ADARB2: variants seen among roughly 807,000 people sequenced by gnomAD.
ADARB2 encodes adenosine deaminase RNA specific B2 (inactive), also known as inactive double-stranded RNA-specific editase B2.
Under a neutral mutation model 62.2 loss-of-function variants are expected in ADARB2, and 25 were observed. The ratio of observed to expected loss-of-function variants is 0.40; its 90% CI spans 0.29 to 0.56. The LOEUF is 0.56. Ranked by LOEUF, ADARB2 falls within the 20% of genes least tolerant of loss-of-function variation. ADARB2 has a pLI of 0.43. For missense variants in ADARB2, 1,071 were observed against 1,077.4 expected (o/e 0.99, Z 0.08); for synonymous variants, 572 against 500.8 (o/e 1.14, Z -1.90).
rs766736813 is a variant in ADARB2, at chr10:1,717,779, T to C, written c.100+19272A>G. 2.0e-5 allele frequency among the ~76,000 whole-genome samples: 3 copies of C among 152,082 alleles called. No homozygotes were observed. The South Asian group carries it at 6.2e-4, about 32-fold the overall frequency. On this transcript the variant is annotated intron_variant, in intron 1 of 9. Transcript: ENST00000381312. ...TTTTAGTAGAGATGGGGTTTCGTCA[T>C]GTAGGCTAGGCTGGTCTTGAACTCT...
intron 1 of ADARB2, among the ~76,000 whole-genome samples, chr10:1,722,844 C>T (rs1254219174): frequency 6.6e-6 from 1 of 152,160 alleles, no homozygotes; most frequent in African/African-American, 2.4e-5. Context: ...TCCTTTAACC[C>T]TCAAATCAAA....
intron 1 of ADARB2, among the ~76,000 whole-genome samples, chr10:1,561,143 T>A (rs1349638541): frequency 6.6e-6 from 1 of 152,234 alleles, no homozygotes; most frequent in Non-Finnish European, 1.5e-5. Flanking sequence ...TATATCAACT[T>A]GTAATCAATA....
intron 3 of ADARB2, among the ~76,000 whole-genome samples, chr10:1,340,016 A>G (rs1209652124): frequency 6.6e-6 from 1 of 152,126 alleles, no homozygotes; most frequent in Non-Finnish European, 1.5e-5. Flanking sequence ...ACTTTCCTGT[A>G]TGCTGTGGCC....
chr10:1,259,873 T>A (rs1016608267), intron 4 of ADARB2, among the ~76,000 whole-genome samples: 3 of 152,190 alleles, frequency 2.0e-5, no homozygotes, highest in Non-Finnish European at 4.4e-5. Flanking sequence ...ACCAATATCC[T>A]TGATGAGCAT....
chr10:1,695,885 C>T (rs184635303), intron 1 of ADARB2, among the ~76,000 whole-genome samples: 6 of 152,106 alleles, frequency 3.9e-5, no homozygotes, highest in Non-Finnish European at 8.8e-5. Flanking sequence ...TGAGGACACA[C>T]ACATGCATGA....
intron 7 of ADARB2, among the ~76,000 whole-genome samples, chr10:1,211,224 A>C (rs372552769): frequency 6.6e-6 from 1 of 151,894 alleles, no homozygotes; most frequent in East Asian, 1.9e-4. Flanking sequence ...TCATCTACCT[A>C]TCATCTGTCA....
intron 1 of ADARB2, among the ~76,000 whole-genome samples, chr10:1,531,230 C>T (rs922391594): frequency 2.6e-5 from 4 of 152,128 alleles, no homozygotes; most frequent in African/African-American, 4.8e-5. Flanking sequence ...AGTGAGTGGC[C>T]GAACAGGTCT....
intron 2 of ADARB2, among the ~76,000 whole-genome samples, chr10:1,365,635 G>C (rs148274677): frequency 4.6e-5 from 7 of 152,308 alleles, no homozygotes; most frequent in Admixed American, 2.0e-4. Context: ...TAATGTCGCA[G>C]TGTTTTCAGG....
intron 1 of ADARB2, among the ~76,000 whole-genome samples, chr10:1,673,312 T>TTGTGTGTGTGTGTGTGTG (rs1373662397): frequency 1.4e-5 from 1 of 72,282 alleles, no homozygotes; most frequent in East Asian, 4.7e-4. Flanking sequence ...AGATTTCATT[T>TTGTGTGTGTGTGTGTGTG]TATGTGTGTG....
chr10:1,503,397 G>T (rs1012998029), intron 1 of ADARB2, among the ~76,000 whole-genome samples: 5 of 151,240 alleles, frequency 3.3e-5, no homozygotes, highest in African/African-American at 9.7e-5. Context: ...TGTTGCCCAG[G>T]CTGGTCTCAT....
intron 1 of ADARB2, among the ~76,000 whole-genome samples, chr10:1,562,161 C>T (rs190557304): frequency 5.9e-4 from 90 of 152,244 alleles, no homozygotes; most frequent in Non-Finnish European, 1.1e-3. Flanking sequence ...CCTCTCACCC[C>T]GCCCAACCCC....
At position 1,472,744 on chromosome 10, in the gene ADARB2, G is replaced by A. The variant is rs898120648; in HGVS notation, c.101-93584C>T. On this transcript the variant is annotated intron_variant, in intron 1 of 9. Coordinates refer to ENST00000381312, the MANE Select transcript of ADARB2 (RefSeq NM_018702.4). Reference sequence around the variant, plus strand: ...AAGTGATTTATTGAGTAATTTTAGCGATGGGAGGGCCCTGCCTGGGGATCT... The same window carrying A: ...AAGTGATTTATTGAGTAATTTTAGCAATGGGAGGGCCCTGCCTGGGGATCT... Among the ~76,000 whole-genome samples, 3 of 152,278 alleles carry A rather than the reference G, an allele frequency of 2.0e-5. No homozygotes were observed. The East Asian group carries it at 5.8e-4, about 29-fold the overall frequency.
intron 1 of ADARB2, among the ~76,000 whole-genome samples, chr10:1,568,568 G>T (rs1358939171): frequency 1.3e-5 from 2 of 150,124 alleles, no homozygotes; most frequent in African/African-American, 4.9e-5. Context: ...AAAGAAGGAA[G>T]GAAGAAAGAA....
At chr10:1,189,724 A>ATGGCCCTACCTCCTTCCCCAGAACACG (rs1836812557) in intron 8 of ADARB2, among the ~76,000 whole-genome samples, 1 of 150,852 alleles carries the variant, frequency 6.6e-6, no homozygotes, top group South Asian at 2.1e-4. Context: ...CCCAGAACAC[A>ATGGCCCTACCTCCTTCCCCAGAACACG]TGGCCCTACC....
intron 6 of ADARB2, among the ~76,000 whole-genome samples, chr10:1,229,807 T>C (rs891360377): frequency 1.3e-5 from 2 of 151,998 alleles, no homozygotes; most frequent in Non-Finnish European, 2.9e-5. Flanking sequence ...TGTGTGCGTG[T>C]ACATGTACTT....
At chr10:1,550,946 G>A (rs1214207604) in intron 1 of ADARB2, among the ~76,000 whole-genome samples, 1 of 152,166 alleles carries the variant, frequency 6.6e-6, no homozygotes, top group Non-Finnish European at 1.5e-5. Flanking sequence ...AAATAAAAAG[G>A]ACGGCAGAAA....
At chr10:1,690,844 A>C (rs1168467982) in intron 1 of ADARB2, among the ~76,000 whole-genome samples, 1 of 150,896 alleles carries the variant, frequency 6.6e-6, no homozygotes. Flanking sequence ...CCTCCTCCCT[A>C]CTCTTGCACC....
intron 3 of ADARB2, among the ~76,000 whole-genome samples, chr10:1,274,772 T>C (rs1456017550): frequency 6.6e-6 from 1 of 152,176 alleles, no homozygotes; most frequent in Non-Finnish European, 1.5e-5. Flanking sequence ...ACGCAACCAG[T>C]CATACAGCAG....
At chr10:1,277,946 T>G (rs1831334102) in intron 3 of ADARB2, among the ~76,000 whole-genome samples, 2 of 144,874 alleles carry the variant, frequency 1.4e-5, no homozygotes, top group Non-Finnish European at 2.9e-5. Context: ...CCTTCCTTCC[T>G]TCCTTCCCCT....
Sources: allele counts gnomAD v4.1 joint callset (sites outside exome capture counted in the v4.1 genomes callset), GRCh38; gene constraint gnomAD v4.1.1; transcripts MANE v1.5; gene names NCBI Gene and HGNC (gene_info 2026-07-23, HGNC 2026-07-21).